HK1: variants seen among roughly 807,000 people sequenced by gnomAD.
The protein encoded by HK1 is hexokinase 1.
HK1 carries 28 observed loss-of-function variants against 91.6 expected under a neutral mutation model. The ratio of observed to expected loss-of-function variants is 0.31; its 90% CI spans 0.23 to 0.42. The LOEUF is 0.42. Among genes scored for constraint, HK1 ranks in the 10% least tolerant of loss-of-function variants. HK1 has a pLI of 1.00. For missense variants in HK1, 770 were observed against 1,219.8 expected, an observed-to-expected ratio of 0.63 and a Z score of 5.49; for synonymous variants, 430 against 468.1, an observed-to-expected ratio of 0.92 and a Z score of 1.05.
At position 69,369,109 on chromosome 10, in the gene HK1, A is replaced by G; in HGVS notation, c.592-128A>G. On this transcript the variant is annotated intron_variant, in intron 5 of 17. Coordinates refer to ENST00000359426, the MANE Select transcript of HK1 (RefSeq NM_000188.3). This position sits in a 1 kb window ranked among gnomAD's most constrained non-coding sequence, Gnocchi z 4.4. ...CTAGTTAATTTGAGTACCAGCTGTA[A>G]TGAAACCAGTACCACTCACAAAAGC... 1.4e-6 allele frequency: 1 copy of G among 731,530 alleles called. No individual in the cohort carries two copies. Among genetic ancestry groups the G allele is most frequent in the South Asian group, 1.5e-5 (1 of 67,628 alleles). 45.3% of individuals were successfully genotyped at this position (731,530 alleles called of 1,614,324 possible). A position where few individuals can be genotyped will look rare whatever the true frequency, so the allele number is the denominator to read the frequency against.
chr10:69,345,544 G>A (rs1369336582), intron 2 of HK1, among the ~76,000 whole-genome samples: 4 of 152,164 alleles, frequency 2.6e-5, no homozygotes, highest in Non-Finnish European at 5.9e-5. Flanking sequence ...AGAAGAGGAA[G>A]GAGCGGGGAG....
chr10:69,355,273 T>A (rs1849073209), intron 2 of HK1, among the ~76,000 whole-genome samples: 2 of 152,114 alleles, frequency 1.3e-5, no homozygotes, highest in Non-Finnish European at 2.9e-5. Flanking sequence ...CAAAGATAAG[T>A]CAGCTTTATT....
intron 2 of HK1, among the ~76,000 whole-genome samples, chr10:69,287,967 T>C (rs1845109580): frequency 1.4e-5 from 2 of 144,208 alleles, no homozygotes; most frequent in Non-Finnish European, 3.1e-5. Context: ...AGCAAGACAC[T>C]GTGTCTACAA....
intron 1 of HK1, chr10:69,338,533 T>A: frequency 7.8e-7 from 1 of 1,289,720 alleles, no homozygotes; most frequent in Non-Finnish European, 1.0e-6. Context: ...TGGAAGCAGC[T>A]GGAAGTGGTG....
At chr10:69,332,258 G>A (rs10998720) in intron 1 of HK1, among the ~76,000 whole-genome samples, 1 of 152,124 alleles carries the variant, frequency 6.6e-6, no homozygotes, top group African/African-American at 2.4e-5. Flanking sequence ...GTTTCCTCAT[G>A]TGTAAGCCAC....
intron 1 of HK1, among the ~76,000 whole-genome samples, chr10:69,335,966 G>A (rs1847956715): frequency 6.6e-6 from 1 of 152,138 alleles, no homozygotes; most frequent in African/African-American, 2.4e-5. Context: ...AAGTGTTTAT[G>A]ATATAATTCC....
intron 1 of HK1, among the ~76,000 whole-genome samples, chr10:69,320,284 TGA>T (rs1846931303): frequency 6.6e-6 from 1 of 152,058 alleles, no homozygotes; most frequent in African/African-American, 2.4e-5. Context: ...GAGTGGGTAC[TGA>T]GAGACAAAGC....
intron 1 of HK1, among the ~76,000 whole-genome samples, chr10:69,272,019 A>T (rs1844197914): frequency 6.6e-6 from 1 of 152,008 alleles, no homozygotes; most frequent in Non-Finnish European, 1.5e-5. Flanking sequence ...ACCTGCCACC[A>T]TGGCCAGCTA....
chr10:69,357,692 A>AT (rs1849200342), intron 2 of HK1, among the ~76,000 whole-genome samples: 1 of 152,114 alleles, frequency 6.6e-6, no homozygotes, highest in African/African-American at 2.4e-5. Flanking sequence ...AGCTCAAGCG[A>AT]TCCACCTGCC....
intron 5 of HK1, among the ~76,000 whole-genome samples, chr10:69,308,592 C>A (rs1360190221): frequency 6.6e-6 from 1 of 152,082 alleles, no homozygotes; most frequent in Non-Finnish European, 1.5e-5. Flanking sequence ...ACGGTTAGGT[C>A]AGGGGTCGAT....
intron 8 of HK1, among the ~76,000 whole-genome samples, chr10:69,378,309 C>CAAAA (rs59016959): frequency 2.1e-5 from 3 of 139,958 alleles, no homozygotes; most frequent in African/African-American, 7.9e-5. Context: ...AAGGCTATCT[C>CAAAA]AAAAAAAAAA....
intron 1 of HK1, among the ~76,000 whole-genome samples, chr10:69,280,011 G>A (rs954034029): frequency 3.9e-5 from 6 of 152,184 alleles, no homozygotes; most frequent in African/African-American, 9.6e-5. Flanking sequence ...GGGCAGACAC[G>A]AGGAAGGATG....
intron 7 of HK1, among the ~76,000 whole-genome samples, chr10:69,371,208 T>C (rs1003850515): frequency 6.6e-6 from 1 of 152,080 alleles, no homozygotes; most frequent in African/African-American, 2.4e-5. Context: ...ATTCCCAAGT[T>C]CTTACACCCA....
chr10:69,338,727 ATGTGTGAGTG>A, intron 1 of HK1: 1 of 1,253,866 alleles, frequency 8.0e-7, no homozygotes, highest in Non-Finnish European at 1.0e-6. Context: ...TTGTGTGTGT[ATGTGTGAGTG>A]TGTGAGAGTG....
intron 7 of HK1, among the ~76,000 whole-genome samples, chr10:69,370,165 T>A (rs1849923536): frequency 6.6e-6 from 1 of 152,220 alleles, no homozygotes; most frequent in Non-Finnish European, 1.5e-5. Flanking sequence ...ATTGTGTCCT[T>A]GTAAAACATC....
At chr10:69,386,515 G>A (rs1839638268) in intron 13 of HK1, 97 bp downstream of exon 13, 1 of 941,762 alleles carries the variant, frequency 1.1e-6, no homozygotes, top group Non-Finnish European at 1.6e-6. Flanking sequence ...CAGGCGTGGT[G>A]GCTCACGCCT....
intron 2 of HK1, among the ~76,000 whole-genome samples, chr10:69,287,448 G>T (rs1845082458): frequency 6.6e-6 from 1 of 152,148 alleles, no homozygotes; most frequent in South Asian, 2.1e-4. Flanking sequence ...ATGAGATGTG[G>T]GTTGGGACAC....
chr10:69,377,677 A>C (rs987191471), intron 8 of HK1, among the ~76,000 whole-genome samples: 2 of 152,236 alleles, frequency 1.3e-5, no homozygotes, highest in East Asian at 1.9e-4. Context: ...AAGAATAAGA[A>C]GTATAAAGTA....
At chr10:69,313,190 T>C (rs1846458659), upstream of HK1, among the ~76,000 whole-genome samples, 1 of 152,206 alleles carries the variant, frequency 6.6e-6, no homozygotes, top group Non-Finnish European at 1.5e-5. Context: ...TTTTTGCCGG[T>C]AAATTCCCAT....
Sources: allele counts gnomAD v4.1 joint callset (sites outside exome capture counted in the v4.1 genomes callset), GRCh38; gene constraint gnomAD v4.1.1; non-coding constraint Gnocchi (gnomAD v3.1); transcripts MANE v1.5; gene names NCBI Gene and HGNC (gene_info 2026-07-23, HGNC 2026-07-21).